The following GLRA3 variants were observed in gnomAD, a reference collection of about 807,000 sequenced individuals.
The protein encoded by GLRA3 is glycine receptor alpha 3.
Under a neutral mutation model 60.4 loss-of-function variants are expected in GLRA3, and 44 were observed. The observed-to-expected ratio is 0.73, with a 90% CI of 0.57 to 0.94. GLRA3 has a LOEUF of 0.94. Ranked by LOEUF, GLRA3 falls within the 40% of genes least tolerant of loss-of-function variation. GLRA3 has a pLI of 0.00. For synonymous variants in GLRA3, 223 were observed against 192.9 expected (o/e 1.16, Z -1.29); for missense variants, 508 against 564.6 (o/e 0.90, Z 1.02).
At chr4:174,711,563 C>G (rs182983935) in intron 5 of GLRA3, among the ~76,000 whole-genome samples, 5 of 151,842 alleles carry the variant, frequency 3.3e-5, no homozygotes, top group Non-Finnish European at 7.4e-5. Context: ...CCTCAGCCAC[C>G]CGAGCAGCTG....
chr4:174,788,122 A>T (rs1739191495), intron 2 of GLRA3, among the ~76,000 whole-genome samples: 1 of 152,102 alleles, frequency 6.6e-6, no homozygotes, highest in African/African-American at 2.4e-5. Flanking sequence ...CATGTTAAAT[A>T]AGTTGGGATC....
intron 1 of GLRA3, among the ~76,000 whole-genome samples, chr4:174,819,032 C>T (rs1429888206): frequency 6.6e-6 from 1 of 152,092 alleles, no homozygotes; most frequent in African/African-American, 2.4e-5. Flanking sequence ...TTTATAAAAT[C>T]AAGAAAACTT....
At chr4:174,778,299 T>C in intron 2 of GLRA3, among the ~76,000 whole-genome samples, 1 of 152,210 alleles carries the variant, frequency 6.6e-6, no homozygotes, top group East Asian at 1.9e-4. Context: ...AATCTACCTA[T>C]TATTTTCATT....
chr4:174,752,738 G>A (rs570806347), intron 3 of GLRA3, among the ~76,000 whole-genome samples: 2 of 152,084 alleles, frequency 1.3e-5, no homozygotes, highest in South Asian at 4.2e-4. Flanking sequence ...AGGTTGCCCA[G>A]GATTTATCAG....
At chr4:174,683,967 A>G (rs1433250790) in intron 5 of GLRA3, among the ~76,000 whole-genome samples, 1 of 152,192 alleles carries the variant, frequency 6.6e-6, no homozygotes, top group Non-Finnish European at 1.5e-5. Context: ...CATTATTGAT[A>G]TATATGGGCT....
chr4:174,824,441 T>C (rs988870079), intron 1 of GLRA3, among the ~76,000 whole-genome samples: 1 of 152,188 alleles, frequency 6.6e-6, no homozygotes, highest in Non-Finnish European at 1.5e-5. Context: ...CCTGTAATGA[T>C]GACTACTCAG....
At chr4:174,745,347 A>G (rs548054865) in intron 3 of GLRA3, among the ~76,000 whole-genome samples, 1 of 152,308 alleles carries the variant, frequency 6.6e-6, no homozygotes, top group Non-Finnish European at 1.5e-5. Flanking sequence ...CTTTATAGGC[A>G]CACTGTCTGA....
intron 5 of GLRA3, among the ~76,000 whole-genome samples, chr4:174,695,470 A>G (rs1041803560): frequency 1.3e-5 from 2 of 152,204 alleles, no homozygotes; most frequent in African/African-American, 4.8e-5. Flanking sequence ...TCATGTAAAC[A>G]GAACAAAAGA....
At chr4:174,758,483 G>C (rs1737811410) in intron 3 of GLRA3, among the ~76,000 whole-genome samples, 1 of 152,010 alleles carries the variant, frequency 6.6e-6, no homozygotes, top group Admixed American at 6.6e-5. Flanking sequence ...CTCAGGTTGA[G>C]GTTATAAAAA....
chr4:174,655,702 C>A (rs1391478401), intron 9 of GLRA3, among the ~76,000 whole-genome samples: 1 of 151,760 alleles, frequency 6.6e-6, no homozygotes. Context: ...TTAAGATAAT[C>A]AAATAAAAGC....
At chr4:174,825,142 G>T (rs904436679) in intron 1 of GLRA3, among the ~76,000 whole-genome samples, 1 of 152,058 alleles carries the variant, frequency 6.6e-6, no homozygotes, top group Non-Finnish European at 1.5e-5. Flanking sequence ...GGGAAAAAGG[G>T]AAGGATAATG....
chr4:174,762,846 T>C (rs1312304343), intron 3 of GLRA3, among the ~76,000 whole-genome samples: 3 of 152,106 alleles, frequency 2.0e-5, no homozygotes, highest in Non-Finnish European at 2.9e-5. Flanking sequence ...AATAGAACAA[T>C]TTTGGTACCC....
At position 174,791,330 on chromosome 4, in the gene GLRA3, C is replaced by T. The variant is rs114166465; in HGVS notation, c.72-2387G>A. ...GAAGAGAAAAGGAATGGATTCTTCC[C>T]CAGAGTTTCTGGAGGTAGCACGGAC... On this transcript the variant is annotated intron_variant, in intron 1 of 9. Transcript: ENST00000274093. Among the ~76,000 whole-genome samples, 880 of 152,266 alleles carry T rather than the reference C, an allele frequency of 5.8e-3. 3 individuals are homozygous for T. Among genetic ancestry groups the T allele is most frequent in the Non-Finnish European group, 9.8e-3 (665 of 68,008 alleles).
At chr4:174,683,936 A>G (rs1734455480) in intron 5 of GLRA3, among the ~76,000 whole-genome samples, 1 of 152,228 alleles carries the variant, frequency 6.6e-6, no homozygotes, top group African/African-American at 2.4e-5. Context: ...TAAGTACTTA[A>G]TTCAAAGAGA....
At chr4:174,779,189 C>A (rs1738758642) in intron 2 of GLRA3, among the ~76,000 whole-genome samples, 1 of 152,186 alleles carries the variant, frequency 6.6e-6, no homozygotes, top group Non-Finnish European at 1.5e-5. Flanking sequence ...GGGAGGCACC[C>A]CCCAGCAGGG....
chr4:174,785,945 T>TTG (rs1419383594), intron 2 of GLRA3, among the ~76,000 whole-genome samples: 2 of 147,214 alleles, frequency 1.4e-5, no homozygotes, highest in African/African-American at 5.0e-5. Context: ...AGTTTTTTTT[T>TTG]TTTTTTTTTT....
chr4:174,789,106 A>T (rs1304897841), intron 1 of GLRA3, among the ~76,000 whole-genome samples, 163 bp from the exon 2 acceptor site: 2 of 152,212 alleles, frequency 1.3e-5, no homozygotes, highest in Non-Finnish European at 2.9e-5. Context: ...ACATTTATAG[A>T]TTTATAGTCA....
chr4:174,669,387 C>G (rs937263911), intron 7 of GLRA3, among the ~76,000 whole-genome samples: 2 of 151,880 alleles, frequency 1.3e-5, no homozygotes, highest in African/African-American at 2.4e-5. Flanking sequence ...TTTCTCGGAG[C>G]ATGAATAACT....
intron 9 of GLRA3, among the ~76,000 whole-genome samples, chr4:174,654,148 G>A (rs1733114586): frequency 6.6e-6 from 1 of 152,128 alleles, no homozygotes. Context: ...GACCTGGAAT[G>A]GAAAGATTAT....
Sources: allele counts gnomAD v4.1 joint callset (sites outside exome capture counted in the v4.1 genomes callset), GRCh38; gene constraint gnomAD v4.1.1; transcripts MANE v1.5; gene names NCBI Gene and HGNC (gene_info 2026-07-23, HGNC 2026-07-21).